The following BLTP3A variants were observed in gnomAD, a reference collection of about 807,000 sequenced individuals.
The protein encoded by BLTP3A is ICBP90 binding protein 1.
At chr6:34,872,235 C>T in the BLTP3A span, 1 of 1,499,410 alleles carries the variant, frequency 6.7e-7, no homozygotes, top group Non-Finnish European at 8.9e-7. Flanking sequence ...TTGAACTCTT[C>T]CTCCCTGTTC....
chr6:34,871,838 A>G, the BLTP3A span: 13 of 1,614,194 alleles, frequency 8.1e-6, no homozygotes, highest in Non-Finnish European at 1.1e-5. Context: ...AGGACAAACC[A>G]TCAGCTGAAG....
the BLTP3A span, chr6:34,874,036 T>G: frequency 2.6e-5 from 4 of 152,304 alleles, no homozygotes; most frequent in Admixed American, 1.3e-4. Flanking sequence ...ATGGTGGGAA[T>G]TTTTCATGCT....
At chr6:34,806,691 T>A in the BLTP3A span, among the ~76,000 whole-genome samples, 1 of 152,296 alleles carries the variant, frequency 6.6e-6, no homozygotes, top group East Asian at 1.9e-4. Context: ...AGATGGAGTT[T>A]TGCTCTGTTA....
the BLTP3A span, among the ~76,000 whole-genome samples, chr6:34,807,002 G>A: frequency 6.6e-6 from 1 of 152,186 alleles, no homozygotes; most frequent in Non-Finnish European, 1.5e-5. Flanking sequence ...AGCAATGCCT[G>A]TTAGTGGAAT....
the BLTP3A span, among the ~76,000 whole-genome samples, chr6:34,857,105 C>T: frequency 6.6e-6 from 1 of 152,168 alleles, no homozygotes; most frequent in Non-Finnish European, 1.5e-5. Context: ...CTTGGGAATT[C>T]CCCCAGTTTT....
chr6:34,828,386 G>A, the BLTP3A span, among the ~76,000 whole-genome samples: 3 of 150,370 alleles, frequency 2.0e-5, no homozygotes, highest in Non-Finnish European at 3.0e-5. Flanking sequence ...AGGAGATGGA[G>A]GTTGCAGTGA....
chr6:34,801,024 C>T, the BLTP3A span, among the ~76,000 whole-genome samples: 1 of 152,274 alleles, frequency 6.6e-6, no homozygotes, highest in East Asian at 1.9e-4. Flanking sequence ...ATTACAGCCA[C>T]CGCATCTGGC....
chr6:34,805,092 C>T, the BLTP3A span, among the ~76,000 whole-genome samples: 1 of 151,522 alleles, frequency 6.6e-6, no homozygotes, highest in African/African-American at 2.4e-5. Flanking sequence ...TCGGAAGTTC[C>T]AGACCAGCCT....
At chr6:34,808,577 A>G in the BLTP3A span, among the ~76,000 whole-genome samples, 1 of 147,060 alleles carries the variant, frequency 6.8e-6, no homozygotes, top group African/African-American at 2.6e-5. Context: ...AAGGGATATT[A>G]TGAACACCTT....
chr6:34,874,905 T>A, the BLTP3A span: 1 of 152,260 alleles, frequency 6.6e-6, no homozygotes, highest in African/African-American at 2.4e-5. Context: ...GCCAAAATTA[T>A]CAGGGGATGG....
chr6:34,802,344 T>A, the BLTP3A span, among the ~76,000 whole-genome samples: 5 of 151,596 alleles, frequency 3.3e-5, no homozygotes, highest in African/African-American at 1.2e-4. Context: ...GTAGCTGGGA[T>A]TACAGGTGCC....
At chr6:34,867,376 C>T in the BLTP3A span, 4 of 1,614,042 alleles carry the variant, frequency 2.5e-6, no homozygotes, top group Non-Finnish European at 3.4e-6. Context: ...TCATCTTTCA[C>T]CCGGTCAGCA....
chr6:34,835,199 T>A, the BLTP3A span: 1 of 1,379,880 alleles, frequency 7.2e-7, no homozygotes, highest in Non-Finnish European at 1.0e-6. Flanking sequence ...TATTGGAGAT[T>A]GAAAAGCCGC....
At chr6:34,844,698 A>G in the BLTP3A span, among the ~76,000 whole-genome samples, 1 of 151,990 alleles carries the variant, frequency 6.6e-6, no homozygotes, top group Non-Finnish European at 1.5e-5. Flanking sequence ...GCCCATTTTT[A>G]ATTGGATTAT....
chr6:34,874,701 G>A, the BLTP3A span: 1 of 152,280 alleles, frequency 6.6e-6, no homozygotes, highest in Non-Finnish European at 1.5e-5. Flanking sequence ...GCATTGCTGA[G>A]GGGGAGGAGA....
chr6:34,822,218 G>C, the BLTP3A span, among the ~76,000 whole-genome samples: 1 of 151,722 alleles, frequency 6.6e-6, no homozygotes, highest in Non-Finnish European at 1.5e-5. Context: ...TGGCTGCCTA[G>C]GCTCTACCCT....
chr6:34,811,891 G>A, the BLTP3A span, among the ~76,000 whole-genome samples: 1 of 151,992 alleles, frequency 6.6e-6, no homozygotes, highest in Non-Finnish European at 1.5e-5. Flanking sequence ...TTAGTTGGGT[G>A]TAGTGGAGTG....
the BLTP3A span, among the ~76,000 whole-genome samples, chr6:34,827,495 A>G: frequency 6.6e-6 from 1 of 152,156 alleles, no homozygotes; most frequent in Non-Finnish European, 1.5e-5. Context: ...TTACTTTTTC[A>G]AGTTTCAGAA....
the BLTP3A span, chr6:34,857,631 C>A: frequency 6.8e-7 from 1 of 1,464,540 alleles, no homozygotes. Flanking sequence ...AAATGTGTAC[C>A]TTTGCTCTGT....
Sources: gnomAD v4.1 joint callset for allele counts (sites outside exome capture counted in the v4.1 genomes callset) on GRCh38, gnomAD v4.1.1 for gene constraint, MANE v1.5 for transcripts, NCBI Gene and HGNC (gene_info 2026-07-23, HGNC 2026-07-21) for gene names.